Variants in TAOK2 observed in about 807,000 individuals in gnomAD.
TAOK2 encodes the protein TAO kinase 2.
In TAOK2, 42 loss-of-function variants were observed where a neutral mutation model predicts 122.5. That is an observed-to-expected ratio of 0.34 (90% confidence interval 0.27 to 0.44). The LOEUF (loss-of-function observed/expected upper bound fraction) is 0.44, where lower values mean the gene tolerates loss of function less well. TAOK2 is among the 20% of genes least tolerant of loss of function. The pLI is 1.00. For synonymous variants in TAOK2, 704 were observed against 677.6 expected, an observed-to-expected ratio of 1.04 and a Z score of -0.61; for missense variants, 1,264 against 1,644.9, an observed-to-expected ratio of 0.77 and a Z score of 4.01.
At chr16:29,977,368 T>C (rs753208492) in intron 1 of TAOK2, among the ~76,000 whole-genome samples, 1 of 152,162 alleles carries the variant, frequency 6.6e-6, no homozygotes, top group Non-Finnish European at 1.5e-5. Context: ...ATAGGACTTA[T>C]GGGACAGGAC....
At chr16:29,978,388 T>C (rs945950175) in intron 4 of TAOK2, 35 bp downstream of exon 4, 2 of 1,599,012 alleles carry the variant, frequency 1.3e-6, no homozygotes, top group Non-Finnish European at 1.7e-6. Context: ...TGATCTTTAC[T>C]CCTATTCATG....
Position 29,986,861 on chromosome 16 carries a change from C to T in TAOK2, c.2589C>T (p.Gly863=). Residue 863 remains glycine (G), a synonymous_variant, in exon 16 of 16, where the codon GGC becomes GGT. Coordinates refer to ENST00000308893, the MANE Select transcript of TAOK2 (RefSeq NM_016151.4). This position sits in a 1 kb window ranked among gnomAD's most constrained non-coding sequence, Gnocchi z 4.2. ...SLVPQERSIV[G]QEEAGTWSLW... is the part of the protein sequence containing the mutation. ...TACCCCAGGAGAGGAGCATTGTTGG[C>T]CAGGAGGAGGCTGGGACATGGAGCT... 2 of 1,613,982 alleles carry T rather than the reference C, an allele frequency of 1.2e-6. No individual in the cohort carries two copies. The highest frequency in any genetic ancestry group is 1.1e-5 in the South Asian group (1 of 91,076).
Position 29,985,375 on chromosome 16 carries a change from G to T in TAOK2, c.1585G>T (p.Glu529Ter), listed in dbSNP as rs1313318145. 6.2e-7 allele frequency: 1 copy of T among 1,610,414 alleles called. No individual in the cohort carries two copies. Among genetic ancestry groups the T allele is most frequent in the African/African-American group, 1.3e-5 (1 of 75,012 alleles). The change falls in exon 14 of 16, where the codon GAG (glutamate) becomes TAG (stop). Residue 529 changes from glutamate to a stop codon, truncating the protein, a stop_gained. Coordinates refer to ENST00000308893, the MANE Select transcript of TAOK2 (RefSeq NM_016151.4). LOFTEE classifies it high-confidence loss of function. This position sits in a 1 kb window ranked among gnomAD's most constrained non-coding sequence, Gnocchi z 6.9. ...EHSARLQREL[E>*]AQRAGFGAEA... ...CAGTGCACGGCTGCAGCGGGAGCTTGAGGCGCAGCGGGCTGGCTTTGGGGC... is the reference window on the plus strand; with the variant it reads ...CAGTGCACGGCTGCAGCGGGAGCTTTAGGCGCAGCGGGCTGGCTTTGGGGC...
In TAOK2 at chr16:29,988,341, T is replaced by TC. The variant is rs1186851315; in HGVS notation, c.*367dup. ...CTGTCTCCCTTCCAACCTGTCCCCTTCCCCCCACCAAAAAAAGAAAAAGAC... is the reference window on the plus strand; with the variant it reads ...CTGTCTCCCTTCCAACCTGTCCCCTTCCCCCCCACCAAAAAAAGAAAAAGAC... On this transcript the variant is annotated 3_prime_UTR_variant, in exon 16 of 16. Coordinates refer to ENST00000308893, the MANE Select transcript of TAOK2 (RefSeq NM_016151.4). The TC allele has an allele frequency of 2.9e-6, 4 of 1,386,072 alleles. No homozygotes were observed. The highest frequency in any genetic ancestry group is 1.2e-5 in the South Asian group (1 of 81,204). The allele number at this position is 1,386,072 out of a possible 1,614,324, so 85.9% of individuals were successfully genotyped here. A position where few individuals can be genotyped will look rare whatever the true frequency, so the allele number is the denominator to read the frequency against.
chr16:29,985,339 C>G lies in TAOK2; in HGVS notation c.1549C>G (p.Arg517Gly), dbSNP rs1486860798. The G allele has an allele frequency of 6.2e-7, 1 of 1,610,982 alleles. No individual in the cohort carries two copies. The highest frequency in any genetic ancestry group is 8.5e-7 in the Non-Finnish European group (1 of 1,178,188). ...LALESRLRGE[R>G]EEHSARLQRE... ...CCTGGAGTCACGGCTGAGGGGTGAA[C>G]GGGAGGAGCACAGTGCACGGCTGCA... Residue 517 changes from arginine to glycine, a missense_variant, in exon 14 of 16, where the codon CGG becomes GGG. Physicochemically the swap from Arg to Gly is moderately radical, Grantham distance 125. Transcript: ENST00000308893. This position sits in a 1 kb window ranked among gnomAD's most constrained non-coding sequence, Gnocchi z 6.9.
chr16:29,987,831 C>T lies in TAOK2; in HGVS notation c.3559C>T (p.Arg1187Trp), dbSNP rs1163810684. The T allele has an allele frequency of 5.6e-6, 9 of 1,612,448 alleles. No individual in the cohort carries two copies. The highest frequency in any genetic ancestry group is 3.3e-5 in the South Asian group (3 of 91,064). ...CACACTGGCCAGCTGGGGCCTGCTT[C>T]GGGGTGAACGGCCCACCCGAATCCC... ...IHTLASWGLL[R>W]GERPTRIPRL... The change falls in exon 16 of 16, where the codon CGG becomes TGG. Residue 1187 changes from arginine to tryptophan, a missense_variant. This residue lies in a region of TAOK2 where 824 missense variants were observed against 908.7 expected (regional missense o/e 0.91). Coordinates refer to ENST00000308893, the MANE Select transcript of TAOK2 (RefSeq NM_016151.4).
Position 29,986,701 on chromosome 16 carries a change from A to T in TAOK2, c.2429A>T (p.Glu810Val), listed in dbSNP as rs766586652. Residue 810 changes from glutamate to valine, a missense_variant, in exon 16 of 16, where the codon GAG becomes GTG. Physicochemically the swap from Glu to Val is moderately radical, Grantham distance 121. Transcript: ENST00000308893. This position sits in a 1 kb window ranked among gnomAD's most constrained non-coding sequence, Gnocchi z 4.2. ...CTGGGAAAGGAAGGGGCCACTTTGG[A>T]GCCCAAGCAGCAGAGGATTCTGGGG... is the stretch of plus-strand genomic sequence containing the variant. The part of the protein sequence containing the change: ...RILGKEGATL[E>V]PKQQRILGEE... 2 of 1,613,876 alleles carry T rather than the reference A, an allele frequency of 1.2e-6. No individual in the cohort carries two copies. Among genetic ancestry groups the T allele is most frequent in the East Asian group, 4.5e-5 (2 of 44,862 alleles).
chr16:29,980,413 A>G (rs1283972392), intron 8 of TAOK2: 1 of 152,210 alleles, frequency 6.6e-6, no homozygotes, highest in African/African-American at 2.4e-5. Flanking sequence ...CAGTGCTGTC[A>G]TTTCACTCCC....
At position 29,977,733 on chromosome 16, in the gene TAOK2, C is replaced by T; in HGVS notation, c.-35-5C>T. The T allele has an allele frequency of 1.2e-6, 2 of 1,610,618 alleles. No homozygotes were observed. The highest frequency in any genetic ancestry group is 1.7e-6 in the Non-Finnish European group (2 of 1,178,888). ...ATCTCTAAGGGTCCCATTTCCATTCCTCAGGCCAGGCCCCACTCTCAGGGC... is the reference window on the plus strand; with the variant it reads ...ATCTCTAAGGGTCCCATTTCCATTCTTCAGGCCAGGCCCCACTCTCAGGGC... On this transcript the variant is annotated splice_region_variant and splice_polypyrimidine_tract_variant and intron_variant, in intron 1 of 15. Coordinates refer to ENST00000308893, the MANE Select transcript of TAOK2 (RefSeq NM_016151.4).
downstream of TAOK2, chr16:29,988,437 G>C: frequency 7.9e-7 from 1 of 1,272,474 alleles, no homozygotes; most frequent in Non-Finnish European, 1.0e-6. Flanking sequence ...TTGTCCTGCC[G>C]CCTAGCCTCC....
rs2069498865 is a variant in TAOK2 at position 29,977,744 on chromosome 16, C to A, written c.-29C>A. 6.2e-7 allele frequency: 1 copy of A among 1,613,186 alleles called. No individual in the cohort carries two copies. The highest frequency in any genetic ancestry group is 8.5e-7 in the Non-Finnish European group (1 of 1,179,658). On this transcript the variant is annotated 5_prime_UTR_variant, in exon 2 of 16. Coordinates refer to ENST00000308893, the MANE Select transcript of TAOK2 (RefSeq NM_016151.4). ...TCCCATTTCCATTCCTCAGGCCAGGCCCCACTCTCAGGGCCCCCAGGGGCC... is the reference window on the plus strand; with the variant it reads ...TCCCATTTCCATTCCTCAGGCCAGGACCCACTCTCAGGGCCCCCAGGGGCC...
downstream of TAOK2, chr16:29,990,237 G>A (rs2069934226): frequency 5.5e-6 from 1 of 180,264 alleles, no homozygotes; most frequent in Middle Eastern, 2.5e-3. Flanking sequence ...TGCGGAGAGG[G>A]TGGAGAGTGG....
chr16:29,978,882 A>G (rs1472395669), intron 5 of TAOK2, 38 bp downstream of exon 5: 1 of 1,613,990 alleles, frequency 6.2e-7, no homozygotes, highest in Non-Finnish European at 8.5e-7. Context: ...AGAAGGGAGA[A>G]GAGCAGGGGA....
Position 29,981,926 on chromosome 16 carries a change from G to C in TAOK2, c.817G>C (p.Glu273Gln), listed in dbSNP as rs2069630614. Residue 273 changes from glutamate (E) to glutamine (Q), a missense_variant, in exon 10 of 16, where the codon GAG (glutamate) becomes CAG (glutamine). By Grantham distance (29) the Glu-to-Gln change is conservative. This residue lies in a region of TAOK2 where 254 missense variants were observed against 503.8 expected (regional missense o/e 0.50). Coordinates refer to ENST00000308893, the MANE Select transcript of TAOK2 (RefSeq NM_016151.4). The stretch of plus-strand genomic sequence containing the variant: ...AATCCCTCAAGACAGACCAACCTCA[G>C]AGGTTCTCCTGAAGGTGAGGGCCTG... ...QKIPQDRPTS[E>Q]VLLKHRFVLR... 2.5e-6 allele frequency: 4 copies of C among 1,613,472 alleles called. No individual in the cohort carries two copies. The highest frequency in any genetic ancestry group is 3.4e-6 in the Non-Finnish European group (4 of 1,179,816).
Position 29,981,385 on chromosome 16 carries a change from TG to T in TAOK2, c.656-275del. 5.0e-6 allele frequency: 3 copies of T among 596,172 alleles called. No individual in the cohort carries two copies. In the South Asian group the frequency reaches 6.2e-5, roughly 12 times the overall value. The allele number at this position is 596,172 out of a possible 1,614,324, so 36.9% of individuals were successfully genotyped here. A position where few individuals can be genotyped will look rare whatever the true frequency, so the allele number is the denominator to read the frequency against. On this transcript the variant is annotated intron_variant, in intron 8 of 15. Transcript: ENST00000308893. The stretch of plus-strand genomic sequence containing the variant: ...GGCACCTAAGAAATATTAGTTGGGG[TG>T]ATAACTGAATGGCTGTCCTTCTGCC...
At chr16:29,991,492 C>T (rs916550664), downstream of TAOK2, 37 of 1,477,972 alleles carry the variant, frequency 2.5e-5, no homozygotes, top group Middle Eastern at 2.0e-4. This position sits in a 1 kb window ranked among gnomAD's most constrained non-coding sequence, Gnocchi z 5.6. Context: ...CCTGCTGCCG[C>T]GGTGCCCGGG....
chr16:29,989,042 C>T, downstream of TAOK2: 1 of 985,400 alleles, frequency 1.0e-6, no homozygotes, highest in Non-Finnish European at 1.2e-6. Context: ...TGCTTCTCCT[C>T]CTTCCCTGCC....
In TAOK2 at chr16:29,985,696, G is replaced by A. The variant is rs1361670892; in HGVS notation, c.1827G>A (p.Lys609=). The A allele has an allele frequency of 6.2e-7, 1 of 1,608,598 alleles. No individual in the cohort carries two copies. The highest frequency in any genetic ancestry group is 1.3e-5 in the African/African-American group (1 of 74,874). The change falls in exon 15 of 16, where the codon AAG becomes AAA. Residue 609 remains lysine (K), a synonymous_variant. Coordinates refer to ENST00000308893, the MANE Select transcript of TAOK2 (RefSeq NM_016151.4). The surrounding 1 kb of genome is among the most constrained non-coding windows in gnomAD (Gnocchi z 6.9). ...QENPSTPKRE[K]AEWLLRQKEQ... ...ACCCCAGCACTCCCAAGCGGGAGAA[G>A]GCCGAGTGGCTGCTGCGGCAGAAGG...
At position 29,988,306 on chromosome 16, in the gene TAOK2, TTTTG is replaced by T. The variant is rs1214373452; in HGVS notation, c.*330_*333del. On this transcript the variant is annotated 3_prime_UTR_variant, in exon 16 of 16. Coordinates refer to ENST00000308893, the MANE Select transcript of TAOK2 (RefSeq NM_016151.4). ...GTCATGTTTTTTTTCTCCTCTTTGA[TTTTG>T]TTTTTCTGTCTCCCTTCCAACCTGT... 10 of 1,439,658 alleles carry T rather than the reference TTTTG, an allele frequency of 6.9e-6. No homozygotes were observed. In the African/African-American group the frequency reaches 1.0e-4, roughly 14 times the overall value. 89.2% of individuals were successfully genotyped at this position (1,439,658 alleles called of 1,614,324 possible).
Sources: gnomAD v4.1 joint callset for allele counts (sites outside exome capture counted in the v4.1 genomes callset) on GRCh38, gnomAD v4.1.1 for gene constraint, gnomAD v4.1.1 regional missense constraint, Gnocchi (gnomAD v3.1) non-coding constraint, MANE v1.5 for transcripts, NCBI Gene and HGNC (gene_info 2026-07-23, HGNC 2026-07-21) for gene names.